CCDC141: variants seen among roughly 807,000 people sequenced by gnomAD.
The protein encoded by CCDC141 is coiled-coil domain containing 141, also known as coiled-coil domain-containing protein 141.
CCDC141 carries 168 observed loss-of-function variants against 181.0 expected under a neutral mutation model. The ratio of observed to expected loss-of-function variants is 0.93; its 90% confidence interval spans 0.82 to 1.05. The LOEUF (loss-of-function observed/expected upper bound fraction) is 1.05, where lower values mean the gene tolerates loss of function less well. Among genes scored for constraint, CCDC141 ranks in the 50% least tolerant of loss-of-function variants. The pLI, the probability that CCDC141 is intolerant of heterozygous loss-of-function variation, is 0.00. For missense variants in CCDC141, 1,902 were observed against 1,788.5 expected (o/e 1.06, Z -1.14); for synonymous variants, 666 against 642.3 (o/e 1.04, Z -0.56).
chr2:178,861,591 G>A (rs1258123514), intron 17 of CCDC141, among the ~76,000 whole-genome samples: 4 of 147,828 alleles, frequency 2.7e-5, no homozygotes, highest in East Asian at 2.0e-4. Context: ...AGCCAAGATC[G>A]TACCATTGCA....
intron 11 of CCDC141, 136 bp downstream of exon 11, chr2:178,884,765 A>G (rs759666802): frequency 5.1e-5 from 27 of 531,592 alleles, no homozygotes; most frequent in Non-Finnish European, 8.2e-5. Context: ...ACAAGAATAC[A>G]GGGCCTATAA....
intron 6 of CCDC141, among the ~76,000 whole-genome samples, chr2:178,937,889 A>G (rs1018170224): frequency 3.9e-5 from 6 of 151,906 alleles, no homozygotes; most frequent in African/African-American, 1.4e-4. Context: ...TTTTATTTCT[A>G]TGGGGTCAGT....
chr2:178,915,674 C>A (rs1455796478), intron 7 of CCDC141: 1 of 152,186 alleles, frequency 6.6e-6, no homozygotes, highest in Admixed American at 6.5e-5. Flanking sequence ...AGAGAAAATT[C>A]TTCATGGATC....
Position 178,837,687 on chromosome 2 carries a change from G to A in CCDC141, c.3532C>T (p.Pro1178Ser), listed in dbSNP as rs1684546932. 1 of 1,613,868 alleles carries A rather than the reference G, an allele frequency of 6.2e-7. No homozygotes were observed. The highest frequency in any genetic ancestry group is 1.1e-5 in the South Asian group (1 of 91,080). ...GINGTGEERL[P>S]QDLKVSTDKE... ...TCAGTGGACACCTTCAGGTCTTGTG[G>A]TAGTCGCTCTTCCCCTGTTCCATTG... The change falls in exon 23 of 24, where the codon CCA becomes TCA. Residue 1178 changes from proline to serine, a missense_variant. Transcript: ENST00000443758.
intron 2 of CCDC141, 96 bp from the exon 3 acceptor site, chr2:178,978,771 G>A (rs1206241190): frequency 4.3e-6 from 4 of 935,512 alleles, no homozygotes; most frequent in Non-Finnish European, 4.5e-6. Flanking sequence ...AATTGCATGT[G>A]GTCTAGGAAA....
intron 17 of CCDC141, among the ~76,000 whole-genome samples, chr2:178,865,138 T>G (rs776845439): frequency 1.3e-5 from 2 of 152,180 alleles, no homozygotes; most frequent in Non-Finnish European, 2.9e-5. Context: ...GAATTAAGCA[T>G]GTGGAGGTGC....
intron 6 of CCDC141, among the ~76,000 whole-genome samples, chr2:178,920,426 AAG>A (rs1437670328): frequency 6.6e-6 from 1 of 152,096 alleles, no homozygotes; most frequent in Non-Finnish European, 1.5e-5. Flanking sequence ...GGGGAATATA[AAG>A]AAAGAATAAA....
rs1456315570 is a variant in CCDC141 at position 179,015,091 on chromosome 2, T to TATATATATATATA, written c.225+32180_225+32192dup. 6.4e-4 allele frequency among the ~76,000 whole-genome samples: 27 copies of TATATATATATATA among 42,030 alleles called. 1 individual carries two copies. Among genetic ancestry groups the TATATATATATATA allele is most frequent in the African/African-American group, 1.5e-3 (22 of 14,962 alleles). The allele number at this position is 42,030 out of a possible 152,430, so 27.6% of individuals were successfully genotyped here. ...AGATATATATATATATATATATATA[T>TATATATATATATA]ATATATATATATAATATATATATAA... On this transcript the variant is annotated intron_variant, in intron 2 of 23. Coordinates refer to ENST00000443758, the MANE Select transcript of CCDC141 (RefSeq NM_173648.4).
At chr2:179,015,765 CATATATATCTCATATATGTA>C (rs1559050597) in intron 2 of CCDC141, among the ~76,000 whole-genome samples, 17 of 135,564 alleles carry the variant, frequency 1.3e-4, no homozygotes, top group Admixed American at 5.4e-4. Flanking sequence ...TCATATATAT[CATATATATCTCATATATGTA>C]TCATATATAT....
intron 6 of CCDC141, among the ~76,000 whole-genome samples, chr2:178,919,754 G>A (rs1463226090): frequency 6.6e-6 from 1 of 152,134 alleles, no homozygotes; most frequent in African/African-American, 2.4e-5. Flanking sequence ...TATTAGGTTG[G>A]TACAAAGGTA....
At chr2:178,923,096 A>ATTTTTTTTTTTT (rs757686549) in intron 6 of CCDC141, among the ~76,000 whole-genome samples, 1 of 137,816 alleles carries the variant, frequency 7.3e-6, no homozygotes, top group Non-Finnish European at 1.6e-5. Context: ...CCACCAGTTT[A>ATTTTTTTTTTTT]TTTTTTTTTT....
At chr2:178,983,948 T>C (rs1314304312) in intron 2 of CCDC141, among the ~76,000 whole-genome samples, 1 of 149,754 alleles carries the variant, frequency 6.7e-6, no homozygotes, top group African/African-American at 2.5e-5. Flanking sequence ...ACGTTCAGAT[T>C]CAGGAAATAC....
Position 178,894,593 on chromosome 2 carries a change from A to C in CCDC141, c.1266-5925T>G, listed in dbSNP as rs1175823059. Among the ~76,000 whole-genome samples, 3 of 152,130 alleles carry C rather than the reference A, an allele frequency of 2.0e-5. No individual in the cohort carries two copies. In the South Asian group the frequency reaches 6.2e-4, roughly 31 times the overall value. ...GAAATAAAACAAAATTAGACACACA[A>C]AAAAATTAGAAATCACAGAAATGAA... On this transcript the variant is annotated intron_variant, in intron 8 of 23. Coordinates refer to ENST00000443758, the MANE Select transcript of CCDC141 (RefSeq NM_173648.4).
chr2:178,921,177 CA>C (rs1295707583), intron 6 of CCDC141, among the ~76,000 whole-genome samples: 1 of 152,182 alleles, frequency 6.6e-6, no homozygotes, highest in Non-Finnish European at 1.5e-5. Flanking sequence ...CAAGATCTTT[CA>C]ATTTTTAAAG....
chr2:178,931,905 C>G (rs909509005), intron 6 of CCDC141, among the ~76,000 whole-genome samples: 1 of 152,040 alleles, frequency 6.6e-6, no homozygotes, highest in African/African-American at 2.4e-5. Flanking sequence ...GTGACTCACG[C>G]GTGTAATCCC....
Position 178,834,551 on chromosome 2 carries a change from A to G in CCDC141, c.4326-111T>C, listed in dbSNP as rs543521189. The G allele has an allele frequency of 3.3e-6, 4 of 1,211,678 alleles. No homozygotes were observed. In the South Asian group the frequency reaches 6.2e-5, roughly 19 times the overall value. The allele number at this position is 1,211,678 out of a possible 1,614,324, so 75.1% of individuals were successfully genotyped here. ...ATTACCACTGCAATATTCTCTTAGG[A>G]TTAGTAGGAACCTTGTAGCCACAAC... On this transcript the variant is annotated intron_variant, in intron 23 of 23. Transcript: ENST00000443758.
chr2:178,827,835 A>G (rs563545517), downstream of CCDC141, among the ~76,000 whole-genome samples: 1 of 152,328 alleles, frequency 6.6e-6, no homozygotes, highest in East Asian at 1.9e-4. Context: ...AACAACAGAA[A>G]TGTATTCTTT....
At chr2:178,917,457 C>G (rs1026858513) in intron 7 of CCDC141, among the ~76,000 whole-genome samples, 8 of 152,176 alleles carry the variant, frequency 5.3e-5, no homozygotes, top group Admixed American at 1.3e-4. Context: ...TAAAGAAGTT[C>G]AAAATTAAGT....
At chr2:178,917,746 C>A (rs1479955232) in intron 7 of CCDC141, among the ~76,000 whole-genome samples, 1 of 152,200 alleles carries the variant, frequency 6.6e-6, no homozygotes, top group Non-Finnish European at 1.5e-5. Flanking sequence ...TGCCACTTAG[C>A]AGGAACCACC....
Sources: gnomAD v4.1 joint callset for allele counts (sites outside exome capture counted in the v4.1 genomes callset) on GRCh38, gnomAD v4.1.1 for gene constraint, MANE v1.5 for transcripts, NCBI Gene and HGNC (gene_info 2026-07-23, HGNC 2026-07-21) for gene names.